The following RIMS2 variants were observed in gnomAD, a reference collection of about 807,000 sequenced individuals.
RIMS2 encodes regulating synaptic membrane exocytosis 2.
RIMS2 carries 59 observed loss-of-function variants against 174.4 expected under a neutral mutation model. The observed-to-expected ratio is 0.34, with a 90% CI of 0.27 to 0.42. The LOEUF (loss-of-function observed/expected upper bound fraction) is 0.42. RIMS2 is among the 10% of genes least tolerant of loss of function. The pLI, the probability that RIMS2 is intolerant of heterozygous loss-of-function variation, is 1.00. For missense variants in RIMS2, 1,620 were observed against 1,666.3 expected (o/e 0.97, Z 0.48); for synonymous variants, 606 against 572.5 (o/e 1.06, Z -0.84).
intron 2 of RIMS2, among the ~76,000 whole-genome samples, chr8:103,753,443 G>C (rs896619494): frequency 6.6e-6 from 1 of 152,128 alleles, no homozygotes; most frequent in Admixed American, 6.5e-5. Flanking sequence ...GATGATGCTG[G>C]CCTCATAAAA....
chr8:103,814,889 A>G (rs921968777), intron 3 of RIMS2, among the ~76,000 whole-genome samples: 1 of 152,186 alleles, frequency 6.6e-6, no homozygotes, highest in Non-Finnish European at 1.5e-5. Flanking sequence ...GGGAGAAACC[A>G]TTGCTAATGA....
At chr8:103,945,556 C>T (rs890473763) in intron 14 of RIMS2, among the ~76,000 whole-genome samples, 3 of 151,816 alleles carry the variant, frequency 2.0e-5, no homozygotes, top group Non-Finnish European at 2.9e-5. Flanking sequence ...ATTAATAAAT[C>T]GAATCCAACA....
At chr8:104,181,635 A>G (rs1314503286) in intron 19 of RIMS2, among the ~76,000 whole-genome samples, 3 of 151,728 alleles carry the variant, frequency 2.0e-5, no homozygotes, top group African/African-American at 7.2e-5. Flanking sequence ...TCTTAAAAGT[A>G]ATTTTATTTT....
intron 17 of RIMS2, among the ~76,000 whole-genome samples, chr8:104,004,346 A>G (rs2095495124): frequency 6.6e-6 from 1 of 152,166 alleles, no homozygotes; most frequent in Admixed American, 6.6e-5. Flanking sequence ...GGAGCTTCTG[A>G]GTGACATAAA....
At chr8:103,613,734 G>A (rs573192553) in intron 1 of RIMS2, among the ~76,000 whole-genome samples, 1 of 152,098 alleles carries the variant, frequency 6.6e-6, no homozygotes, top group Non-Finnish European at 1.5e-5. Flanking sequence ...GGGACCAAGG[G>A]CTCCTTAAGA....
intron 19 of RIMS2, among the ~76,000 whole-genome samples, chr8:104,126,404 G>A (rs1411199462): frequency 6.6e-6 from 1 of 152,116 alleles, no homozygotes; most frequent in Non-Finnish European, 1.5e-5. Context: ...TCAAGTGATA[G>A]GTACAATCTG....
At chr8:103,888,115 G>A (rs1458200983) in intron 4 of RIMS2, among the ~76,000 whole-genome samples, 2 of 151,312 alleles carry the variant, frequency 1.3e-5, no homozygotes, top group East Asian at 3.9e-4. Context: ...GATACTGATA[G>A]AAAATTTGGA....
chr8:103,639,909 T>C (rs2096186418), intron 1 of RIMS2, among the ~76,000 whole-genome samples: 1 of 151,958 alleles, frequency 6.6e-6, no homozygotes, highest in Non-Finnish European at 1.5e-5. Flanking sequence ...ATTGCCATGT[T>C]TCTATAGATC....
At chr8:103,987,135 T>C (rs2094417768) in intron 16 of RIMS2, among the ~76,000 whole-genome samples, 1 of 152,072 alleles carries the variant, frequency 6.6e-6, no homozygotes, top group Admixed American at 6.5e-5. Context: ...TCTTAGAGTA[T>C]AATAAAATAT....
intron 1 of RIMS2, among the ~76,000 whole-genome samples, chr8:103,677,520 A>G (rs1351986504): frequency 2.6e-5 from 4 of 152,190 alleles, no homozygotes; most frequent in Non-Finnish European, 5.9e-5. Context: ...ACAGAAATCC[A>G]TGGATCTTAA....
Position 104,203,253 on chromosome 8 carries a change from A to G in RIMS2, c.3335-41663A>G, listed in dbSNP as rs78005115. Reference sequence around the variant, plus strand: ...TTTTATACCAAAAATGTTATCATGTATTATGTGCAGAAAAGAATTAAATTG... The same window carrying G: ...TTTTATACCAAAAATGTTATCATGTGTTATGTGCAGAAAAGAATTAAATTG... On this transcript the variant is annotated intron_variant, in intron 19 of 23. Coordinates refer to ENST00000504942, the Ensembl canonical transcript of RIMS2. 4.4e-3 allele frequency among the ~76,000 whole-genome samples: 674 copies of G among 152,246 alleles called. 5 individuals are homozygous for G. Among genetic ancestry groups the G allele is most frequent in the African/African-American group, 0.015 (634 of 41,558 alleles).
At chr8:103,562,385 A>G (rs957989291) in intron 1 of RIMS2, among the ~76,000 whole-genome samples, 1 of 152,230 alleles carries the variant, frequency 6.6e-6, no homozygotes, top group Non-Finnish European at 1.5e-5. Context: ...ACAAGGGGCT[A>G]CAGGCCCCAT....
chr8:104,204,592 G>T (rs1013008349), intron 19 of RIMS2, among the ~76,000 whole-genome samples: 3 of 151,830 alleles, frequency 2.0e-5, no homozygotes, highest in African/African-American at 7.2e-5. Flanking sequence ...CTGAAAAACT[G>T]ACCTCAATTC....
intron 2 of RIMS2, among the ~76,000 whole-genome samples, chr8:103,751,881 C>G (rs1383620901): frequency 1.3e-5 from 2 of 151,810 alleles, no homozygotes; most frequent in Non-Finnish European, 2.9e-5. Context: ...AGAAAATTTT[C>G]TCCCATTTTG....
At chr8:103,935,028 C>T (rs1418895755) in intron 12 of RIMS2, among the ~76,000 whole-genome samples, 1 of 152,134 alleles carries the variant, frequency 6.6e-6, no homozygotes, top group African/African-American at 2.4e-5. Flanking sequence ...AATAGCAAGG[C>T]TCTGGTTAAA....
intron 1 of RIMS2, among the ~76,000 whole-genome samples, chr8:103,537,936 T>C (rs1840605911): frequency 1.3e-5 from 2 of 152,106 alleles, no homozygotes; most frequent in Admixed American, 6.5e-5. Context: ...ACATTTTGGT[T>C]ACCTGCAAAA....
chr8:103,860,790 T>C (rs902955418), intron 3 of RIMS2, among the ~76,000 whole-genome samples: 27 of 12,276 alleles, frequency 2.2e-3, no homozygotes, highest in Non-Finnish European at 3.9e-3. Context: ...AAAATAATGT[T>C]TTTTTTTTCC....
intron 3 of RIMS2, among the ~76,000 whole-genome samples, chr8:103,874,472 A>C (rs1488548854): frequency 3.3e-5 from 5 of 151,950 alleles, no homozygotes; most frequent in Non-Finnish European, 5.9e-5. Context: ...TCCAGAGTAC[A>C]TTTCCTATTT....
At chr8:104,085,107 A>C (rs2097513206) in intron 19 of RIMS2, among the ~76,000 whole-genome samples, 1 of 152,208 alleles carries the variant, frequency 6.6e-6, no homozygotes, top group African/African-American at 2.4e-5. Flanking sequence ...TCATGTTTGC[A>C]CTCAGCTGTT....
Sources: allele counts gnomAD v4.1 joint callset (sites outside exome capture counted in the v4.1 genomes callset), GRCh38; gene constraint gnomAD v4.1.1; transcripts MANE v1.5; gene names NCBI Gene and HGNC (gene_info 2026-07-23, HGNC 2026-07-21).